SLC28A1: variants seen among roughly 807,000 people sequenced by gnomAD.
The protein encoded by SLC28A1 is solute carrier family 28 member 1.
In SLC28A1, 64 loss-of-function variants were observed where a neutral mutation model predicts 74.8. The ratio of observed to expected loss-of-function variants is 0.86; its 90% CI spans 0.70 to 1.05. The LOEUF is 1.05. Ranked by LOEUF, SLC28A1 falls within the 50% of genes least tolerant of loss-of-function variation. The probability of loss-of-function intolerance (pLI) is 0.00; values close to 1 mark genes in which losing one functional copy is unlikely to be tolerated. For synonymous variants in SLC28A1, 359 were observed against 335.0 expected, an observed-to-expected ratio of 1.07 and a Z score of -0.78; for missense variants, 828 against 822.8, an observed-to-expected ratio of 1.01 and a Z score of -0.08.
intron 15 of SLC28A1, among the ~76,000 whole-genome samples, chr15:84,941,873 G>A (rs190538409): frequency 2.6e-4 from 40 of 152,272 alleles, no homozygotes; most frequent in African/African-American, 7.9e-4. Flanking sequence ...GTGAAATAAC[G>A]TGATGAGATA....
rs527525551 is a variant in SLC28A1 at position 84,935,097 on chromosome 15, C to A, written c.1286C>A (p.Ala429Asp). Residue 429 changes from alanine (A) to aspartate (D), a missense_variant, in exon 14 of 19, where the codon GCT (alanine) becomes GAT (aspartate). Ala to Asp is a moderately radical substitution (Grantham distance 126). This residue lies in a region of SLC28A1 where 767 missense variants were observed against 753.5 expected (regional missense o/e 1.02). Transcript: ENST00000394573. The part of the protein sequence containing the change: ...AISVKVVANI[A>D]ANLIAFLAVL... ...TCCGTGAAGGTGGTCGCCAACATCG[C>A]TGCCAACCTGATTGCGTTCCTGGCT... 7 of 1,614,056 alleles carry A rather than the reference C, an allele frequency of 4.3e-6. No homozygotes were observed. The South Asian group carries it at 7.7e-5, about 18-fold the overall frequency.
chr15:84,935,832 G>A (rs1350310048), intron 15 of SLC28A1, among the ~76,000 whole-genome samples: 3 of 152,020 alleles, frequency 2.0e-5, no homozygotes, highest in Admixed American at 6.6e-5. Context: ...GTTGGAAAAC[G>A]GGGTGAGATG....
the SLC28A1 span, among the ~76,000 whole-genome samples, chr15:84,956,442 C>CCTTCCTTT: frequency 7.2e-5 from 9 of 124,656 alleles, no homozygotes; most frequent in African/African-American, 2.0e-4. Flanking sequence ...TTCCTTCCTT[C>CCTTCCTTT]CTTTCTTTCT....
the SLC28A1 span, among the ~76,000 whole-genome samples, chr15:84,971,403 C>G: frequency 6.6e-6 from 1 of 152,158 alleles, no homozygotes; most frequent in Non-Finnish European, 1.5e-5. Flanking sequence ...CCATCCTCAT[C>G]CTCAATGAGC....
At chr15:84,974,784 T>C in the SLC28A1 span, among the ~76,000 whole-genome samples, 1 of 151,602 alleles carries the variant, frequency 6.6e-6, no homozygotes, top group Admixed American at 6.6e-5. Flanking sequence ...GAATGCTCGG[T>C]GTGTTGGGGA....
At chr15:84,908,625 T>C in intron 8 of SLC28A1, 93 bp from the exon 9 acceptor site, 6 of 1,097,456 alleles carry the variant, frequency 5.5e-6, no homozygotes, top group Non-Finnish European at 8.2e-6. Context: ...ACTACGTCCC[T>C]GGGCCAACCC....
At chr15:84,894,827 C>G in intron 5 of SLC28A1, 113 bp from the exon 6 acceptor site, 1 of 1,073,688 alleles carries the variant, frequency 9.3e-7, no homozygotes, top group Non-Finnish European at 1.4e-6. Flanking sequence ...GGTTGGGTGA[C>G]TTTCCTGCCC....
chr15:84,895,643 G>A (rs1476738646), intron 6 of SLC28A1: 37 of 1,438,018 alleles, frequency 2.6e-5, no homozygotes, highest in Non-Finnish European at 3.3e-5. Context: ...GGGCAGGAGA[G>A]GGAGGTTGTG....
rs1964913154 is a variant in SLC28A1 at position 84,888,779 on chromosome 15, G to A, written c.104G>A (p.Gly35Asp). 1.9e-6 allele frequency: 3 copies of A among 1,552,902 alleles called. No homozygotes were observed. Among genetic ancestry groups the A allele is most frequent in the African/African-American group, 2.7e-5 (2 of 73,144 alleles). The change falls in exon 4 of 19, where the codon GGC (glycine) becomes GAC (aspartate). Residue 35 changes from glycine to aspartate, a missense_variant. This residue lies in a region of SLC28A1 where 767 missense variants were observed against 753.5 expected (regional missense o/e 1.02). Transcript: ENST00000394573. ...GADFLESLEE[G>D]QLPRSDLSPA... ...GCTCCCTGCGGGCTGTAGGAGGAAG[G>A]CCAGCTCCCTAGGAGTGACTTGAGC... is the stretch of plus-strand genomic sequence containing the variant.
chr15:84,899,453 G>A (rs902148965), intron 6 of SLC28A1, among the ~76,000 whole-genome samples: 1 of 151,912 alleles, frequency 6.6e-6, no homozygotes, highest in African/African-American at 2.4e-5. Context: ...GAAACATGAA[G>A]ACTATACCAA....
intron 3 of SLC28A1, among the ~76,000 whole-genome samples, chr15:84,888,466 C>T (rs1213193401): frequency 6.6e-6 from 1 of 151,266 alleles, no homozygotes; most frequent in African/African-American, 2.4e-5. Context: ...GATGAGGTAG[C>T]CCTGCCTGGG....
rs116487894 is a variant in SLC28A1 at position 84,926,497 on chromosome 15, C to T, written c.1083+2387C>T. 1.4e-3 allele frequency: 639 copies of T among 451,592 alleles called. 2 individuals carry two copies. The highest frequency in any genetic ancestry group is 0.012 in the African/African-American group (593 of 49,802). 28.0% of individuals were successfully genotyped at this position (451,592 alleles called of 1,614,324 possible). A position where few individuals can be genotyped will look rare whatever the true frequency, so the allele number is the denominator to read the frequency against. On this transcript the variant is annotated intron_variant, in intron 12 of 18. Coordinates refer to ENST00000394573, the MANE Select transcript of SLC28A1 (RefSeq NM_004213.5). ...GGATTACAGGCATGAGCCATTGCAT[C>T]CAGCTTCAATCACTTTAAAAATATT...
chr15:84,895,237 C>T (rs1489622258), intron 6 of SLC28A1, 114 bp downstream of exon 6: 2 of 1,574,514 alleles, frequency 1.3e-6, no homozygotes, highest in Non-Finnish European at 1.7e-6. Flanking sequence ...TCATGGAGAA[C>T]TCTCTGGCGC....
At chr15:84,918,448 G>A (rs1420883974) in intron 9 of SLC28A1, 76 bp from the exon 10 acceptor site, 3 of 1,082,152 alleles carry the variant, frequency 2.8e-6, no homozygotes, top group Non-Finnish European at 2.9e-6. Flanking sequence ...GGCTGTCTGG[G>A]GTCTCCTGGG....
intron 6 of SLC28A1, among the ~76,000 whole-genome samples, chr15:84,897,067 A>G (rs1388887186): frequency 1.3e-5 from 2 of 151,870 alleles, no homozygotes; most frequent in Non-Finnish European, 2.9e-5. Context: ...CTGTAACTAT[A>G]CTAAAAACCA....
chr15:84,932,400 G>A (rs1337218163), intron 12 of SLC28A1, among the ~76,000 whole-genome samples: 1 of 152,174 alleles, frequency 6.6e-6, no homozygotes, highest in Non-Finnish European at 1.5e-5. Flanking sequence ...AGAATCCCAG[G>A]GGCTGACATT....
chr15:84,886,574 T>C (rs1395053740), intron 1 of SLC28A1, 98 bp from the exon 2 acceptor site: 50 of 985,398 alleles, frequency 5.1e-5, no homozygotes, highest in Non-Finnish European at 5.9e-5. Context: ...TGAGACCGTG[T>C]TGGGGTCCCC....
chr15:84,925,126 G>A (rs1970356656), intron 12 of SLC28A1, among the ~76,000 whole-genome samples: 2 of 118,690 alleles, frequency 1.7e-5, no homozygotes, highest in Admixed American at 2.3e-4. Flanking sequence ...TCACCATGTT[G>A]GCCAGGATGG....
intron 15 of SLC28A1, among the ~76,000 whole-genome samples, chr15:84,936,110 C>G (rs545392625): frequency 6.6e-6 from 1 of 151,068 alleles, no homozygotes; most frequent in Non-Finnish European, 1.5e-5. Flanking sequence ...CGCCCACCAC[C>G]GCGCCCGGCT....
Sources: gnomAD v4.1 joint callset for allele counts (sites outside exome capture counted in the v4.1 genomes callset) on GRCh38, gnomAD v4.1.1 for gene constraint, gnomAD v4.1.1 regional missense constraint, MANE v1.5 for transcripts, NCBI Gene and HGNC (gene_info 2026-07-23, HGNC 2026-07-21) for gene names.